NOS1AP: variants seen among roughly 807,000 people sequenced by gnomAD.
The protein encoded by NOS1AP is carboxyl-terminal PDZ ligand of neuronal nitric oxide synthase protein.
In NOS1AP, 21 loss-of-function variants were observed where a neutral mutation model predicts 56.2. That is an observed-to-expected ratio of 0.37 (90% CI 0.26 to 0.54). NOS1AP has a LOEUF of 0.54. NOS1AP is among the 20% of genes least tolerant of loss of function. The probability of loss-of-function intolerance (pLI) is 0.84; values close to 1 mark genes in which losing one functional copy is unlikely to be tolerated. For missense variants in NOS1AP, 522 were observed against 657.8 expected, an observed-to-expected ratio of 0.79 and a Z score of 2.26; for synonymous variants, 270 against 274.6, an observed-to-expected ratio of 0.98 and a Z score of 0.17.
At chr1:162,158,234 C>A (rs1293309227) in intron 2 of NOS1AP, among the ~76,000 whole-genome samples, 1 of 152,152 alleles carries the variant, frequency 6.6e-6, no homozygotes, top group East Asian at 1.9e-4. Context: ...TGAATGAAAT[C>A]ATATAGTATT....
chr1:162,270,160 C>A lies in NOS1AP; in HGVS notation c.178-17184C>A, dbSNP rs147312737. Among the ~76,000 whole-genome samples the A allele has an allele frequency of 2.0e-5, 3 of 152,282 alleles. No homozygotes were observed. In the East Asian group the frequency reaches 5.8e-4, roughly 29 times the overall value. ...CTAGGTATGGGGTAGTGTTTATAAG[C>A]CTGGTATCATAGTTACTTGTATACT... On this transcript the variant is annotated intron_variant, in intron 2 of 9. Coordinates refer to ENST00000361897, the MANE Select transcript of NOS1AP (RefSeq NM_014697.3).
intron 6 of NOS1AP, among the ~76,000 whole-genome samples, chr1:162,351,688 A>T (rs1657501185): frequency 6.6e-6 from 1 of 151,974 alleles, no homozygotes; most frequent in Non-Finnish European, 1.5e-5. Context: ...GGTCTTTCTT[A>T]TCTTAAAAGC....
At chr1:162,244,042 A>G (rs1308365672) in intron 2 of NOS1AP, among the ~76,000 whole-genome samples, 2 of 152,174 alleles carry the variant, frequency 1.3e-5, no homozygotes, top group African/African-American at 4.8e-5. Flanking sequence ...CTCATTTATA[A>G]GTTGGAGACT....
rs556461977 is a variant in NOS1AP, at chr1:162,345,161, CT to C, written c.595+1189del. ...CAATACAGATTTCTTTTCTTTTTTT[CT>C]TTTATTATTATACTTTAAGTTTTAG... On this transcript the variant is annotated intron_variant, in intron 6 of 9. Transcript: ENST00000361897. 8.0e-4 allele frequency among the ~76,000 whole-genome samples: 118 copies of C among 147,392 alleles called. 1 individual carries two copies. Among genetic ancestry groups the C allele is most frequent in the Admixed American group, 7.4e-3 (109 of 14,816 alleles).
intron 8 of NOS1AP, 92 bp from the exon 9 acceptor site, chr1:162,365,312 T>C (rs1485228275): frequency 6.3e-7 from 1 of 1,598,976 alleles, no homozygotes; most frequent in East Asian, 2.2e-5. Context: ...AGGGCATCTC[T>C]GGTCCCGGCC....
At chr1:162,161,606 T>C (rs995566630) in intron 2 of NOS1AP, among the ~76,000 whole-genome samples, 1 of 150,638 alleles carries the variant, frequency 6.6e-6, no homozygotes, top group South Asian at 2.1e-4. Context: ...CTTTTTTTTT[T>C]CCCTGAGATG....
chr1:162,334,617 C>T (rs1656881351), intron 5 of NOS1AP, among the ~76,000 whole-genome samples: 1 of 152,084 alleles, frequency 6.6e-6, no homozygotes, highest in Admixed American at 6.6e-5. Context: ...GACTGGAATT[C>T]CCTTTTAATT....
chr1:162,350,224 G>GA (rs949690452), intron 6 of NOS1AP, among the ~76,000 whole-genome samples: 2 of 152,186 alleles, frequency 1.3e-5, no homozygotes, highest in African/African-American at 4.8e-5. Flanking sequence ...CCGTTGTGCA[G>GA]AAAAAACATG....
chr1:162,123,488 C>T (rs1192565591), intron 1 of NOS1AP, among the ~76,000 whole-genome samples: 1 of 152,186 alleles, frequency 6.6e-6, no homozygotes, highest in African/African-American at 2.4e-5. Context: ...TACTCTCTAC[C>T]TGTGTCCTCT....
chr1:162,196,965 T>C (rs991322834), intron 2 of NOS1AP, among the ~76,000 whole-genome samples: 2 of 152,176 alleles, frequency 1.3e-5, no homozygotes, highest in African/African-American at 2.4e-5. Flanking sequence ...ATTTTCCAGC[T>C]GTAACTAAAT....
rs1048474069 is a variant in NOS1AP at position 162,287,238 on chromosome 1, C to G, written c.178-106C>G. On this transcript the variant is annotated intron_variant, in intron 2 of 9. Coordinates refer to ENST00000361897, the MANE Select transcript of NOS1AP (RefSeq NM_014697.3). ...CTCCCTGCCCCCAGGAGCTATTCCCCACACCTGTCTGGGGACCTTTTTTCC... is the reference window on the plus strand; with the variant it reads ...CTCCCTGCCCCCAGGAGCTATTCCCGACACCTGTCTGGGGACCTTTTTTCC... 1.0e-5 allele frequency: 8 copies of G among 789,766 alleles called. No homozygotes were observed. The Admixed American group carries it at 1.5e-4, about 15-fold the overall frequency. 48.9% of individuals were successfully genotyped at this position (789,766 alleles called of 1,614,324 possible). A position where few individuals can be genotyped will look rare whatever the true frequency, so the allele number is the denominator to read the frequency against.
chr1:162,089,245 A>G (rs1010865668), intron 1 of NOS1AP, among the ~76,000 whole-genome samples: 1 of 152,076 alleles, frequency 6.6e-6, no homozygotes, highest in African/African-American at 2.4e-5. Flanking sequence ...TATCTTAACT[A>G]CTTCTGTATT....
At chr1:162,362,758 CT>C (rs1290983150) in intron 8 of NOS1AP, among the ~76,000 whole-genome samples, 8 of 152,210 alleles carry the variant, frequency 5.3e-5, no homozygotes, top group Admixed American at 3.9e-4. Flanking sequence ...TGAGGCTTAT[CT>C]GTGGGCTTCC....
intron 3 of NOS1AP, among the ~76,000 whole-genome samples, chr1:162,288,683 T>A (rs192490003): frequency 3.3e-4 from 50 of 152,368 alleles, no homozygotes; most frequent in African/African-American, 1.2e-3. Flanking sequence ...TGTTCTTTCA[T>A]GCTCCCTCAA....
intron 4 of NOS1AP, among the ~76,000 whole-genome samples, chr1:162,308,670 G>A (rs772888217): frequency 3.3e-5 from 5 of 152,146 alleles, no homozygotes; most frequent in East Asian, 3.8e-4. Context: ...TCTTACCATC[G>A]TGCTGCTGTA....
intron 4 of NOS1AP, among the ~76,000 whole-genome samples, chr1:162,311,038 C>CA (rs1441513017): frequency 2.0e-5 from 3 of 152,100 alleles, no homozygotes; most frequent in African/African-American, 4.8e-5. Context: ...ACCCTGCTAA[C>CA]ACCACCCAAG....
intron 2 of NOS1AP, among the ~76,000 whole-genome samples, chr1:162,278,768 CTATT>C (rs143319683): frequency 0.015 from 2,218 of 151,762 alleles, 25 homozygotes; most frequent in Non-Finnish European, 0.022. Flanking sequence ...CTCTGCAAGA[CTATT>C]TATTGCTGCA....
At chr1:162,186,676 G>T (rs1651444665) in intron 2 of NOS1AP, among the ~76,000 whole-genome samples, 1 of 152,214 alleles carries the variant, frequency 6.6e-6, no homozygotes, top group East Asian at 1.9e-4. Flanking sequence ...GGCTGTGTGA[G>T]GACACAGTGA....
At chr1:162,162,820 A>G (rs1302340767) in intron 2 of NOS1AP, among the ~76,000 whole-genome samples, 2 of 152,196 alleles carry the variant, frequency 1.3e-5, no homozygotes, top group Non-Finnish European at 2.9e-5. Flanking sequence ...TGCATACCAT[A>G]TAACTCGCCC....
Sources: gnomAD v4.1 joint callset for allele counts (sites outside exome capture counted in the v4.1 genomes callset) on GRCh38, gnomAD v4.1.1 for gene constraint, MANE v1.5 for transcripts, NCBI Gene and HGNC (gene_info 2026-07-23, HGNC 2026-07-21) for gene names.